Variants in FOCAD observed in about 807,000 individuals in gnomAD.
FOCAD encodes the protein focadhesin, also known as KIAA1797.
FOCAD carries 198 observed loss-of-function variants against 225.6 expected under a neutral mutation model. The ratio of observed to expected loss-of-function variants is 0.88; its 90% CI spans 0.78 to 0.99. FOCAD has a LOEUF of 0.99. Ranked by LOEUF, FOCAD falls within the 50% of genes least tolerant of loss-of-function variation. The pLI is 0.00. For missense variants in FOCAD, 2,713 were observed against 2,123.6 expected (o/e 1.28, Z -5.46); for synonymous variants, 897 against 755.0 (o/e 1.19, Z -3.08).
chr9:20,954,618 A>G (rs539658534), intron 35 of FOCAD, among the ~76,000 whole-genome samples: 2 of 152,300 alleles, frequency 1.3e-5, no homozygotes, highest in Admixed American at 6.5e-5. Context: ...ACAACAGGAA[A>G]TGTTCTGCTA....
At chr9:20,758,386 T>C (rs1266309069) in intron 6 of FOCAD, among the ~76,000 whole-genome samples, 195 bp downstream of exon 6, 3 of 152,158 alleles carry the variant, frequency 2.0e-5, no homozygotes, top group African/African-American at 7.2e-5. Flanking sequence ...TTATTATACT[T>C]TAAGTTTTAG....
intron 5 of FOCAD, among the ~76,000 whole-genome samples, chr9:20,743,437 C>A (rs1197503451): frequency 6.6e-6 from 1 of 152,212 alleles, no homozygotes; most frequent in African/African-American, 2.4e-5. Context: ...CAACAGAATA[C>A]TTGGTCATCT....
chr9:20,726,745 C>G (rs1826230970), intron 4 of FOCAD, among the ~76,000 whole-genome samples: 1 of 152,072 alleles, frequency 6.6e-6, no homozygotes, highest in Non-Finnish European at 1.5e-5. Flanking sequence ...GGAGAAAATT[C>G]TTGTCTCTCA....
chr9:20,772,354 A>G (rs941412594), intron 8 of FOCAD, among the ~76,000 whole-genome samples: 8 of 152,196 alleles, frequency 5.3e-5, no homozygotes, highest in Admixed American at 3.9e-4. Flanking sequence ...ATTTGTAGAC[A>G]TTAACTTTGG....
At chr9:20,705,027 G>T (rs182289272) in intron 1 of FOCAD, among the ~76,000 whole-genome samples, 2 of 152,250 alleles carry the variant, frequency 1.3e-5, no homozygotes, top group African/African-American at 2.4e-5. Context: ...CACTTACTCT[G>T]TGACCTTGGG....
intron 11 of FOCAD, among the ~76,000 whole-genome samples, chr9:20,813,633 T>G (rs1269272639): frequency 2.0e-5 from 3 of 152,172 alleles, no homozygotes; most frequent in Non-Finnish European, 4.4e-5. Flanking sequence ...TGTTAAGACT[T>G]GTTTTGTGAT....
intron 6 of FOCAD, among the ~76,000 whole-genome samples, chr9:20,761,392 T>A (rs1389511951): frequency 6.6e-6 from 1 of 152,054 alleles, no homozygotes; most frequent in East Asian, 1.9e-4. Context: ...TAGCTAGTGG[T>A]GGAGTTGGGC....
rs145036473 is a variant in FOCAD at position 20,797,407 on chromosome 9, C to G, written c.1455+7799C>G. Among the ~76,000 whole-genome samples, 821 of 152,250 alleles carry G rather than the reference C, an allele frequency of 5.4e-3. 9 individuals are homozygous for G. The highest frequency in any genetic ancestry group is 0.017 in the African/African-American group (689 of 41,514). On this transcript the variant is annotated intron_variant, in intron 11 of 43. Transcript: ENST00000338382. ...CATTCAATCTATAAATTACCTTGGG[C>G]AGTATGGCCATTTTCACGATATTGA... is the stretch of plus-strand genomic sequence containing the variant.
intron 11 of FOCAD, among the ~76,000 whole-genome samples, chr9:20,819,277 A>G (rs1195795637): frequency 2.0e-5 from 3 of 152,034 alleles, no homozygotes; most frequent in Non-Finnish European, 4.4e-5. Flanking sequence ...GCAATGGTGC[A>G]ATCATGGCTC....
intron 2 of FOCAD, among the ~76,000 whole-genome samples, chr9:20,659,452 C>CAGAT (rs1563860566): frequency 5.9e-5 from 2 of 34,062 alleles, no homozygotes; most frequent in African/African-American, 2.6e-4. Flanking sequence ...GACAGACAGA[C>CAGAT]AGAAAGAAAA....
intron 2 of FOCAD, among the ~76,000 whole-genome samples, chr9:20,677,966 G>A (rs1474241761): frequency 1.3e-5 from 2 of 152,198 alleles, no homozygotes; most frequent in African/African-American, 4.8e-5. Flanking sequence ...GAAAATGTAT[G>A]TATGTGTGTG....
chr9:20,673,102 A>G (rs1482127535), intron 2 of FOCAD, among the ~76,000 whole-genome samples: 1 of 152,228 alleles, frequency 6.6e-6, no homozygotes, highest in Non-Finnish European at 1.5e-5. Context: ...GTAGGGGGAT[A>G]AATTGTATTT....
At chr9:20,910,478 G>A (rs1403273101) in intron 22 of FOCAD, among the ~76,000 whole-genome samples, 1 of 151,946 alleles carries the variant, frequency 6.6e-6, no homozygotes, top group South Asian at 2.1e-4. Context: ...TACCTTTTTT[G>A]CTTTTTTTGT....
intron 4 of FOCAD, among the ~76,000 whole-genome samples, chr9:20,732,860 C>G (rs1369307701): frequency 2.0e-5 from 3 of 151,978 alleles, no homozygotes; most frequent in African/African-American, 7.3e-5. Flanking sequence ...AAAGGTGACT[C>G]CTTGATTTCT....
rs1179228108 is a variant in FOCAD at position 20,861,183 on chromosome 9, CT to C, written c.1921-1390del. 2.0e-5 allele frequency among the ~76,000 whole-genome samples: 3 copies of C among 152,188 alleles called. No individual in the cohort carries two copies. In the East Asian group the frequency reaches 5.8e-4, roughly 29 times the overall value. ...AATAGTTTAAAGTCATATCATATAC[CT>C]TTTTGTTTCCAATAATTTAGAGTGA... On this transcript the variant is annotated intron_variant, in intron 15 of 43. Transcript: ENST00000338382.
chr9:20,958,095 T>TA (rs35674828), intron 35 of FOCAD, among the ~76,000 whole-genome samples: 53,746 of 152,016 alleles, frequency 0.35, 9,686 homozygotes, highest in East Asian at 0.46. Flanking sequence ...ACTGTGTCTG[T>TA]AAGCTTTGAC....
intron 4 of FOCAD, among the ~76,000 whole-genome samples, chr9:20,722,640 A>G (rs1825878069): frequency 6.6e-6 from 1 of 152,254 alleles, no homozygotes; most frequent in African/African-American, 2.4e-5. Flanking sequence ...CTGTTTCTAC[A>G]CGCATTCACA....
chr9:20,735,785 A>G (rs1218729946), intron 4 of FOCAD, among the ~76,000 whole-genome samples: 5 of 150,990 alleles, frequency 3.3e-5, no homozygotes, highest in Non-Finnish European at 5.9e-5. Flanking sequence ...CAGCCACCAG[A>G]GTAGCTGGGG....
chr9:20,946,951 T>G (rs1837241621), intron 30 of FOCAD, 131 bp downstream of exon 30: 7 of 1,168,848 alleles, frequency 6.0e-6, no homozygotes, highest in Non-Finnish European at 7.1e-6. Context: ...TTCTAACTAT[T>G]CTCTTTTCTC....
Sources: allele counts gnomAD v4.1 joint callset (sites outside exome capture counted in the v4.1 genomes callset), GRCh38; gene constraint gnomAD v4.1.1; transcripts MANE v1.5; gene names NCBI Gene and HGNC (gene_info 2026-07-23, HGNC 2026-07-21).